UBE2E2: variants seen among roughly 807,000 people sequenced by gnomAD.
The protein encoded by UBE2E2 is ubiquitin-conjugating enzyme E2 E2.
A neutral mutation model predicts 24.7 loss-of-function variants in UBE2E2; 6 were observed. That is an observed-to-expected ratio of 0.24 (90% CI 0.13 to 0.48). The LOEUF (loss-of-function observed/expected upper bound fraction) is 0.48, where lower values mean the gene tolerates loss of function less well. Among genes scored for constraint, UBE2E2 ranks in the 20% least tolerant of loss-of-function variants. The probability of loss-of-function intolerance (pLI) is 0.99; values close to 1 mark genes in which losing one functional copy is unlikely to be tolerated. For synonymous variants in UBE2E2, 104 were observed against 83.6 expected (o/e 1.24, Z -1.33); for missense variants, 169 against 245.0 (o/e 0.69, Z 2.07).
At chr3:23,260,678 G>T (rs1184915739) in intron 3 of UBE2E2, among the ~76,000 whole-genome samples, 1 of 152,088 alleles carries the variant, frequency 6.6e-6, no homozygotes, top group Non-Finnish European at 1.5e-5. Context: ...GAGCATGGTG[G>T]TGCATGCTTG....
intron 4 of UBE2E2, among the ~76,000 whole-genome samples, chr3:23,524,654 A>G (rs1447811199): frequency 1.3e-5 from 2 of 152,204 alleles, no homozygotes; most frequent in Non-Finnish European, 2.9e-5. Flanking sequence ...TTGTTAGGAA[A>G]GAGAGGCTCA....
intron 3 of UBE2E2, among the ~76,000 whole-genome samples, chr3:23,359,453 A>G (rs1034815653): frequency 3.3e-5 from 5 of 152,190 alleles, no homozygotes; most frequent in Non-Finnish European, 2.9e-5. Flanking sequence ...ACAAAAGACT[A>G]TCTCCTTGTT....
chr3:23,400,386 T>C (rs1348404144), intron 3 of UBE2E2, among the ~76,000 whole-genome samples: 7 of 152,178 alleles, frequency 4.6e-5, no homozygotes, highest in Non-Finnish European at 1.0e-4. Context: ...GTCAGGCTGC[T>C]CTTGAACTCC....
intron 5 of UBE2E2, among the ~76,000 whole-genome samples, chr3:23,563,057 G>T (rs1218928254): frequency 5.9e-5 from 9 of 152,030 alleles, no homozygotes; most frequent in Admixed American, 5.9e-4. Flanking sequence ...GGTTTTTTGT[G>T]TCTCTATCTC....
intron 3 of UBE2E2, among the ~76,000 whole-genome samples, chr3:23,259,763 C>T (rs1036691693): frequency 6.6e-6 from 1 of 152,150 alleles, no homozygotes; most frequent in Non-Finnish European, 1.5e-5. Context: ...TGAAAAACTT[C>T]AGTGTAAGAT....
intron 3 of UBE2E2, among the ~76,000 whole-genome samples, chr3:23,354,252 A>G (rs2125324216): frequency 6.6e-6 from 1 of 152,266 alleles, no homozygotes; most frequent in Admixed American, 6.5e-5. Flanking sequence ...TGGATTAAAG[A>G]CTTAAACATT....
intron 3 of UBE2E2, among the ~76,000 whole-genome samples, chr3:23,330,804 G>A (rs1386757705): frequency 6.6e-6 from 1 of 152,126 alleles, no homozygotes; most frequent in African/African-American, 2.4e-5. Flanking sequence ...ACACATTTGA[G>A]GTTAGTTTTG....
rs551743513 is a variant in UBE2E2 at position 23,226,149 on chromosome 3, G to A, written c.227+8837G>A. On this transcript the variant is annotated intron_variant, in intron 3 of 5. Transcript: ENST00000396703. Reference sequence around the variant, plus strand: ...CCTCCTTGGCCTCCTAAAGTGCTGGGTTTACAGGTGTGAGCCACTGCGCCT... The same window carrying A: ...CCTCCTTGGCCTCCTAAAGTGCTGGATTTACAGGTGTGAGCCACTGCGCCT... Among the ~76,000 whole-genome samples, 40 of 152,238 alleles carry A rather than the reference G, an allele frequency of 2.6e-4. 2 individuals carry two copies. In the South Asian group the frequency reaches 8.3e-3, roughly 32 times the overall value.
At chr3:23,532,446 G>A (rs2125485379) in intron 4 of UBE2E2, 108 bp from the exon 5 acceptor site, 1 of 928,672 alleles carries the variant, frequency 1.1e-6, no homozygotes, top group South Asian at 3.7e-5. Context: ...CCAATAGCCT[G>A]GGCTATTTTG....
intron 3 of UBE2E2, among the ~76,000 whole-genome samples, chr3:23,386,424 T>C (rs528669854): frequency 3.9e-5 from 6 of 152,240 alleles, no homozygotes; most frequent in African/African-American, 1.2e-4. Flanking sequence ...TCTCAACATA[T>C]GAATTTAGCG....
rs141498564 is a variant in UBE2E2, at chr3:23,511,994, C to T, written c.360+12254C>T. 3.9e-5 allele frequency among the ~76,000 whole-genome samples: 6 copies of T among 152,134 alleles called. No homozygotes were observed. The East Asian group carries it at 7.8e-4, about 20-fold the overall frequency. On this transcript the variant is annotated intron_variant, in intron 4 of 5. Transcript: ENST00000396703. ...TTGAGCCTTTGGTTTCAGTTTTAAT[C>T]GAACTAAAACTTATATAAGTAATGT... is the stretch of plus-strand genomic sequence containing the variant.
chr3:23,559,308 A>G (rs565684855), intron 5 of UBE2E2, among the ~76,000 whole-genome samples: 3 of 152,178 alleles, frequency 2.0e-5, no homozygotes, highest in Admixed American at 6.5e-5. Context: ...AGCAATCTCA[A>G]AGTGTCACTG....
chr3:23,478,962 G>A (rs1303707447), intron 3 of UBE2E2, among the ~76,000 whole-genome samples: 1 of 152,090 alleles, frequency 6.6e-6, no homozygotes, highest in Admixed American at 6.5e-5. Context: ...AGAGGTTGAG[G>A]TGGGAGGATT....
At chr3:23,380,823 A>T (rs907447822) in intron 3 of UBE2E2, among the ~76,000 whole-genome samples, 2 of 151,794 alleles carry the variant, frequency 1.3e-5, no homozygotes, top group Non-Finnish European at 2.9e-5. Context: ...TTTTTTTTTG[A>T]GCTGCCATGA....
chr3:23,300,204 T>G (rs1477995634), intron 3 of UBE2E2, among the ~76,000 whole-genome samples: 1 of 152,160 alleles, frequency 6.6e-6, no homozygotes, highest in African/African-American at 2.4e-5. Context: ...GTTTCCTGAA[T>G]ACAGCACACT....
chr3:23,208,831 A>G lies in UBE2E2; in HGVS notation c.132A>G (p.Lys44=). Reference sequence around the variant, plus strand: ...TTCAGCCCAAGAAAAAGGAGGGAAAAATATCCAGCAAAACCGCTGCTAAAT... The same window carrying G: ...TTCAGCCCAAGAAAAAGGAGGGAAAGATATCCAGCAAAACCGCTGCTAAAT... ...EQVQPKKKEG[K]ISSKTAAKLS... Residue 44 remains lysine, a synonymous_variant, in exon 2 of 6, where the codon AAA becomes AAG. Coordinates refer to ENST00000396703, the MANE Select transcript of UBE2E2 (RefSeq NM_152653.4). 1 of 1,613,534 alleles carries G rather than the reference A, an allele frequency of 6.2e-7. No homozygotes were observed. Among genetic ancestry groups the G allele is most frequent in the Non-Finnish European group, 8.5e-7 (1 of 1,179,680 alleles).
intron 4 of UBE2E2, among the ~76,000 whole-genome samples, chr3:23,519,478 A>G (rs1181189263): frequency 6.6e-6 from 1 of 152,194 alleles, no homozygotes; most frequent in African/African-American, 2.4e-5. Context: ...AGTTAACTAC[A>G]TCTATTCTGC....
chr3:23,350,159 A>C (rs1229587448), intron 3 of UBE2E2, among the ~76,000 whole-genome samples: 1 of 152,230 alleles, frequency 6.6e-6, no homozygotes, highest in African/African-American at 2.4e-5. Flanking sequence ...ACTCCAACAG[A>C]CCTGCAGCTG....
intron 3 of UBE2E2, among the ~76,000 whole-genome samples, chr3:23,446,486 G>A (rs374565854): frequency 2.0e-5 from 3 of 152,232 alleles, no homozygotes; most frequent in South Asian, 2.1e-4. Flanking sequence ...GAGTGAGATC[G>A]TAAGAGTTAA....
Sources: gnomAD v4.1 joint callset for allele counts (sites outside exome capture counted in the v4.1 genomes callset) on GRCh38, gnomAD v4.1.1 for gene constraint, MANE v1.5 for transcripts, NCBI Gene and HGNC (gene_info 2026-07-23, HGNC 2026-07-21) for gene names.